COL23A1: variants seen among roughly 807,000 people sequenced by gnomAD.
COL23A1 encodes the protein collagen type XXIII alpha 1 chain.
A neutral mutation model predicts 99.3 loss-of-function variants in COL23A1; 97 were observed. The ratio of observed to expected loss-of-function variants is 0.98; its 90% CI spans 0.83 to 1.16. The LOEUF is 1.16. Among genes scored for constraint, COL23A1 ranks in the 50% most tolerant of loss-of-function variants. The pLI is 0.00. For synonymous variants in COL23A1, 320 were observed against 308.2 expected, an observed-to-expected ratio of 1.04 and a Z score of -0.40; for missense variants, 762 against 757.4, an observed-to-expected ratio of 1.01 and a Z score of -0.07.
chr5:178,542,634 T>C (rs1173150391), intron 2 of COL23A1, among the ~76,000 whole-genome samples: 1 of 148,954 alleles, frequency 6.7e-6, no homozygotes, highest in Non-Finnish European at 1.5e-5. Context: ...GTGGAAGAGG[T>C]CCAGGAAGGC....
intron 2 of COL23A1, among the ~76,000 whole-genome samples, chr5:178,494,794 C>A (rs1422954591): frequency 6.6e-6 from 1 of 152,208 alleles, no homozygotes; most frequent in Non-Finnish European, 1.5e-5. Flanking sequence ...TAGCAGCCCT[C>A]CTCTGTTAGT....
At chr5:178,473,685 T>G (rs1756883096) in intron 2 of COL23A1, among the ~76,000 whole-genome samples, 1 of 152,022 alleles carries the variant, frequency 6.6e-6, no homozygotes, top group Admixed American at 6.6e-5. Flanking sequence ...AAGGGACGAC[T>G]GACTATACTG....
intron 2 of COL23A1, among the ~76,000 whole-genome samples, chr5:178,528,240 C>G (rs1368290030): frequency 6.6e-6 from 1 of 152,208 alleles, no homozygotes; most frequent in African/African-American, 2.4e-5. Flanking sequence ...AAAGCTCTTC[C>G]TCACCTAAGC....
chr5:178,489,417 G>T (rs913179115), intron 2 of COL23A1, among the ~76,000 whole-genome samples: 1 of 152,232 alleles, frequency 6.6e-6, no homozygotes, highest in Non-Finnish European at 1.5e-5. Flanking sequence ...ACTGAGCCAC[G>T]TTACCGGCTC....
chr5:178,354,391 G>A (rs1410987770), intron 2 of COL23A1, among the ~76,000 whole-genome samples: 1 of 152,000 alleles, frequency 6.6e-6, no homozygotes, highest in Non-Finnish European at 1.5e-5. Context: ...TTTACTTTCT[G>A]TAGAGACAGG....
At chr5:178,383,941 G>C (rs988245712) in intron 2 of COL23A1, among the ~76,000 whole-genome samples, 4 of 151,752 alleles carry the variant, frequency 2.6e-5, no homozygotes, top group African/African-American at 9.7e-5. Context: ...TGAATGGCTA[G>C]AGAGTTAAGA....
rs1392391081 is a variant in COL23A1, at chr5:178,459,948, C to A, written c.361+100734G>T. On this transcript the variant is annotated intron_variant, in intron 2 of 28. Transcript: ENST00000390654. ...GAAGCCAAAAGAAGAAAATTCAATA[C>A]GATGTTAATAACAACTGTTATCTCT... Among the ~76,000 whole-genome samples the A allele has an allele frequency of 2.0e-5, 3 of 152,006 alleles. No homozygotes were observed. In the East Asian group the frequency reaches 5.8e-4, roughly 29 times the overall value.
intron 3 of COL23A1, among the ~76,000 whole-genome samples, chr5:178,296,537 C>A (rs770574520): frequency 6.6e-6 from 1 of 152,140 alleles, no homozygotes; most frequent in Non-Finnish European, 1.5e-5. Flanking sequence ...GTGGGAGGAC[C>A]CAGGCCCCCT....
At position 178,491,986 on chromosome 5, in the gene COL23A1, C is replaced by T. The variant is rs554615099; in HGVS notation, c.361+68696G>A. On this transcript the variant is annotated intron_variant, in intron 2 of 28. Transcript: ENST00000390654. ...CTGACCTCAGGTGATCCACCTGCCT[C>T]GGCCCCCCAAAGTACTGGGATTACA... 3.4e-4 allele frequency among the ~76,000 whole-genome samples: 51 copies of T among 152,222 alleles called. No individual in the cohort carries two copies. In the East Asian group the frequency reaches 3.9e-3, roughly 12 times the overall value.
intron 2 of COL23A1, among the ~76,000 whole-genome samples, chr5:178,343,980 C>A (rs746692741): frequency 6.6e-6 from 1 of 152,030 alleles, no homozygotes; most frequent in African/African-American, 2.4e-5. Flanking sequence ...TTTTAAAAGA[C>A]CATTCTGAAC....
intron 1 of COL23A1, among the ~76,000 whole-genome samples, chr5:178,573,456 A>T (rs896272930): frequency 3.9e-5 from 6 of 152,076 alleles, no homozygotes; most frequent in Admixed American, 6.6e-5. Flanking sequence ...TTAATCAGTG[A>T]CTCCCATTGG....
intron 2 of COL23A1, among the ~76,000 whole-genome samples, chr5:178,551,005 G>A (rs1238048127): frequency 2.6e-5 from 4 of 152,052 alleles, no homozygotes; most frequent in African/African-American, 9.7e-5. Context: ...CAAACCGCTT[G>A]ATTCTGGAAC....
chr5:178,404,219 G>T (rs888011418), intron 2 of COL23A1, among the ~76,000 whole-genome samples: 1 of 152,196 alleles, frequency 6.6e-6, no homozygotes, highest in Non-Finnish European at 1.5e-5. Flanking sequence ...GGGGTACCAT[G>T]CCCATCACAA....
At chr5:178,397,921 A>G (rs1437107690) in intron 2 of COL23A1, among the ~76,000 whole-genome samples, 2 of 152,192 alleles carry the variant, frequency 1.3e-5, no homozygotes, top group African/African-American at 4.8e-5. Flanking sequence ...TTGGAGGCAG[A>G]GGCTGCAGTG....
At chr5:178,423,639 T>G (rs904892898) in intron 2 of COL23A1, among the ~76,000 whole-genome samples, 1 of 152,118 alleles carries the variant, frequency 6.6e-6, no homozygotes, top group African/African-American at 2.4e-5. Flanking sequence ...AGTGCAAACA[T>G]GTACACACAC....
At chr5:178,258,171 C>T (rs1222466536) in intron 12 of COL23A1, among the ~76,000 whole-genome samples, 2 of 150,662 alleles carry the variant, frequency 1.3e-5, no homozygotes, top group African/African-American at 4.9e-5. Context: ...CTGCCTGAGG[C>T]TGCAGGGAGC....
At chr5:178,246,572 C>G in intron 22 of COL23A1, 119 bp from the exon 23 acceptor site, 3 of 995,732 alleles carry the variant, frequency 3.0e-6, no homozygotes, top group East Asian at 2.6e-5. Flanking sequence ...GAGGCTCCCC[C>G]AGGCCTGGCC....
In COL23A1 at chr5:178,358,175, GTGTA is replaced by G. The variant is rs542380511; in HGVS notation, c.362-51260_362-51257del. On this transcript the variant is annotated intron_variant, in intron 2 of 28. Transcript: ENST00000390654. ...GTATGTGTGTATGTCTAATGTGTAT[GTGTA>G]TGTATGTGTATGTGTGTGCATGTGT... Among the ~76,000 whole-genome samples, 361 of 149,258 alleles carry G rather than the reference GTGTA, an allele frequency of 2.4e-3. 2 individuals carry two copies. The highest frequency in any genetic ancestry group is 7.9e-3 in the African/African-American group (318 of 40,036).
chr5:178,453,895 A>G (rs1767626223), intron 2 of COL23A1, among the ~76,000 whole-genome samples: 1 of 152,212 alleles, frequency 6.6e-6, no homozygotes. Flanking sequence ...TATTAACATA[A>G]AAGAAAAAAA....
Sources: allele counts gnomAD v4.1 joint callset (sites outside exome capture counted in the v4.1 genomes callset), GRCh38; gene constraint gnomAD v4.1.1; transcripts MANE v1.5; gene names NCBI Gene and HGNC (gene_info 2026-07-23, HGNC 2026-07-21).